Variants in ZBTB16 observed in about 807,000 individuals in gnomAD.
The protein encoded by ZBTB16 is zinc finger and BTB domain-containing protein 16.
In ZBTB16, 8 loss-of-function variants were observed where a neutral mutation model predicts 56.8. That is an observed-to-expected ratio of 0.14 (90% CI 0.08 to 0.25). ZBTB16 has a LOEUF of 0.25. Ranked by LOEUF, ZBTB16 falls within the 10% of genes least tolerant of loss-of-function variation. The pLI, the probability that ZBTB16 is intolerant of heterozygous loss-of-function variation, is 1.00. For missense variants in ZBTB16, 625 were observed against 903.0 expected (o/e 0.69, Z 3.95); for synonymous variants, 363 against 368.5 (o/e 0.98, Z 0.17).
At chr11:114,097,168 G>A (rs1465257346) in intron 2 of ZBTB16, among the ~76,000 whole-genome samples, 1 of 152,206 alleles carries the variant, frequency 6.6e-6, no homozygotes, top group Non-Finnish European at 1.5e-5. Flanking sequence ...AACTTTGAGG[G>A]CATTATACTA....
chr11:114,109,705 G>A (rs1000077510), intron 2 of ZBTB16, among the ~76,000 whole-genome samples: 10 of 152,040 alleles, frequency 6.6e-5, no homozygotes, highest in African/African-American at 2.2e-4. Flanking sequence ...GGAGGGGAGA[G>A]ATTTAGGGAT....
At chr11:114,136,586 T>G (rs1436248290) in intron 2 of ZBTB16, among the ~76,000 whole-genome samples, 1 of 152,170 alleles carries the variant, frequency 6.6e-6, no homozygotes, top group Non-Finnish European at 1.5e-5. Flanking sequence ...TACCTTCTAT[T>G]ATCAGTTTGA....
At chr11:114,187,423 C>A in intron 4 of ZBTB16, 1 of 265,552 alleles carries the variant, frequency 3.8e-6, no homozygotes, top group Non-Finnish European at 7.4e-6. Flanking sequence ...CTGAAACCCT[C>A]GTGTGGCCAC....
At chr11:114,069,845 C>T (rs1275016647) in intron 2 of ZBTB16, among the ~76,000 whole-genome samples, 1 of 152,190 alleles carries the variant, frequency 6.6e-6, no homozygotes, top group African/African-American at 2.4e-5. Flanking sequence ...TCACAGCCTT[C>T]CTTGAGTGGG....
chr11:114,238,002 A>C (rs1944627604), intron 4 of ZBTB16, among the ~76,000 whole-genome samples: 1 of 152,108 alleles, frequency 6.6e-6, no homozygotes, highest in Admixed American at 6.5e-5. Context: ...GGGGAGAGAG[A>C]CCACTGTAGG....
At position 114,064,158 on chromosome 11, in the gene ZBTB16, C is replaced by T. The variant is rs1939013210; in HGVS notation, c.858C>T (p.Ser286=). The change falls in exon 2 of 7, where the codon AGC becomes AGT. Residue 286 remains serine, a synonymous_variant. Transcript: ENST00000335953. This position sits in a 1 kb window ranked among gnomAD's most constrained non-coding sequence, Gnocchi z 4.2. ...GKEGPGTPTR[S]SVITSARELH... ...AGGGGCCTGGGACCCCGACTCGAAG[C>T]AGCGTCATCACCAGTGCTAGGGAGC... The T allele has an allele frequency of 6.2e-7, 1 of 1,613,738 alleles. No individual in the cohort carries two copies.
intron 2 of ZBTB16, among the ~76,000 whole-genome samples, chr11:114,154,030 A>T (rs1942342202): frequency 6.6e-6 from 1 of 152,188 alleles, no homozygotes; most frequent in African/African-American, 2.4e-5. Context: ...TGGCCACGAT[A>T]AGCCACTTCC....
intron 2 of ZBTB16, among the ~76,000 whole-genome samples, chr11:114,098,992 TCTC>T (rs1156627115): frequency 6.6e-5 from 10 of 152,226 alleles, no homozygotes; most frequent in African/African-American, 2.4e-4. Flanking sequence ...TCAGCCCTGT[TCTC>T]CTTTCCCTTC....
At chr11:114,171,086 C>G (rs186211006) in intron 3 of ZBTB16, among the ~76,000 whole-genome samples, 26 of 152,060 alleles carry the variant, frequency 1.7e-4, no homozygotes, top group African/African-American at 6.0e-4. Flanking sequence ...AGTATAGGCT[C>G]GAGAGGGACA....
intron 2 of ZBTB16, among the ~76,000 whole-genome samples, chr11:114,083,886 G>A (rs781246141): frequency 1.6e-4 from 24 of 152,032 alleles, no homozygotes; most frequent in African/African-American, 4.6e-4. Context: ...TCTCTTCTAT[G>A]ATTTTAGTTC....
intron 4 of ZBTB16, among the ~76,000 whole-genome samples, chr11:114,198,565 CTT>C (rs1165060659): frequency 1.3e-5 from 2 of 152,072 alleles, no homozygotes; most frequent in African/African-American, 4.8e-5. Flanking sequence ...CCCCGATACT[CTT>C]TTTTAAATTA....
intron 4 of ZBTB16, chr11:114,209,731 A>T (rs1363323548): frequency 1.0e-6 from 1 of 985,306 alleles, no homozygotes; most frequent in South Asian, 4.7e-5. Flanking sequence ...GCCCCCAGGC[A>T]TGTTCACCCC....
At chr11:114,242,116 G>A in intron 4 of ZBTB16, 51 bp from the exon 5 acceptor site, 3 of 1,608,128 alleles carry the variant, frequency 1.9e-6, no homozygotes, top group Non-Finnish European at 2.5e-6. Flanking sequence ...GGTAAAGAAT[G>A]CACCTTGTAT....
intron 2 of ZBTB16, among the ~76,000 whole-genome samples, chr11:114,069,061 A>G (rs1784683): frequency 0.2 from 30,145 of 152,058 alleles, 3,263 homozygotes; most frequent in Admixed American, 0.34. Context: ...GATGTCCTGC[A>G]CAGACACCGT....
chr11:114,222,093 T>A (rs1057429783), intron 4 of ZBTB16, among the ~76,000 whole-genome samples: 1 of 152,260 alleles, frequency 6.6e-6, no homozygotes, highest in Admixed American at 6.5e-5. Context: ...GGTGGAAGCA[T>A]CTTTTGAATC....
chr11:114,061,981 T>C (rs977352677), intron 1 of ZBTB16, among the ~76,000 whole-genome samples: 2 of 152,210 alleles, frequency 1.3e-5, no homozygotes, highest in Admixed American at 6.5e-5. Context: ...AACTATGGTC[T>C]CTCTCCATAC....
At chr11:114,078,346 G>A (rs1939642596) in intron 2 of ZBTB16, among the ~76,000 whole-genome samples, 1 of 152,194 alleles carries the variant, frequency 6.6e-6, no homozygotes, top group African/African-American at 2.4e-5. Flanking sequence ...TGGCTGGTAA[G>A]CAATTGATGC....
chr11:114,189,875 G>A (rs996644791), intron 4 of ZBTB16: 4 of 152,018 alleles, frequency 2.6e-5, no homozygotes, highest in Middle Eastern at 3.2e-3. Flanking sequence ...GAACCTGTAC[G>A]TGAATGTTTA....
At chr11:114,245,019 GA>G (rs1180953938) in intron 5 of ZBTB16, among the ~76,000 whole-genome samples, 1 of 152,256 alleles carries the variant, frequency 6.6e-6, no homozygotes, top group Admixed American at 6.5e-5. Flanking sequence ...ATTCAGTAAG[GA>G]GGGGGAGTTG....
Sources: gnomAD v4.1 joint callset for allele counts (sites outside exome capture counted in the v4.1 genomes callset) on GRCh38, gnomAD v4.1.1 for gene constraint, Gnocchi (gnomAD v3.1) non-coding constraint, MANE v1.5 for transcripts, NCBI Gene and HGNC (gene_info 2026-07-23, HGNC 2026-07-21) for gene names.